The following SRD5A2 variants were observed in gnomAD, a reference collection of about 807,000 sequenced individuals.
The protein encoded by SRD5A2 is steroid 5 alpha-reductase 2, also known as 3-oxo-5-alpha-steroid 4-dehydrogenase 2.
SRD5A2 carries 30 observed loss-of-function variants against 27.4 expected under a neutral mutation model. That is an observed-to-expected ratio of 1.10 (90% confidence interval 0.82 to 1.49). The LOEUF (loss-of-function observed/expected upper bound fraction) is 1.49, where lower values mean the gene tolerates loss of function less well. SRD5A2 is among the 40% of genes most tolerant of loss of function. The pLI is 0.00. For missense variants in SRD5A2, 348 were observed against 323.4 expected (o/e 1.08, Z -0.58); for synonymous variants, 141 against 133.6 (o/e 1.06, Z -0.38).
In SRD5A2 at chr2:31,580,840, C is replaced by T. The variant is rs1265216982; in HGVS notation, c.61G>A (p.Gly21Arg). 6.2e-7 allele frequency: 1 copy of T among 1,611,940 alleles called. No individual in the cohort carries two copies. The highest frequency in any genetic ancestry group is 8.5e-7 in the Non-Finnish European group (1 of 1,179,388). Residue 21 changes from glycine (G) to arginine (R), a missense_variant, in exon 1 of 5, where the codon GGG becomes AGG. Gly to Arg is a moderately radical substitution (Grantham distance 125). Transcript: ENST00000622030. ...TTCGCGACGTACAAGGCCAGTGCCCCAAGGGCGACCAAAGTGGCGCTGCCT... is the reference window on the plus strand; with the variant it reads ...TTCGCGACGTACAAGGCCAGTGCCCTAAGGGCGACCAAAGTGGCGCTGCCT... Reference protein sequence around the residue: ...LAGSATLVALGALALYVAKPS... With the variant: ...LAGSATLVALRALALYVAKPS...
chr2:31,611,269 T>G, the SRD5A2 span, among the ~76,000 whole-genome samples: 1 of 152,140 alleles, frequency 6.6e-6, no homozygotes, highest in Admixed American at 6.6e-5. Context: ...AAATTATAGA[T>G]TCATGAGTAA....
At chr2:31,658,120 A>G in the SRD5A2 span, among the ~76,000 whole-genome samples, 2 of 152,154 alleles carry the variant, frequency 1.3e-5, no homozygotes, top group Admixed American at 1.3e-4. Flanking sequence ...ACAACCTGGT[A>G]CTGAATGACC....
chr2:31,660,948 G>A, the SRD5A2 span, among the ~76,000 whole-genome samples: 4 of 151,976 alleles, frequency 2.6e-5, no homozygotes, highest in Non-Finnish European at 4.4e-5. Flanking sequence ...CCAAAAGAAG[G>A]GTTCCATTAA....
the SRD5A2 span, among the ~76,000 whole-genome samples, chr2:31,601,341 A>G: frequency 6.6e-6 from 1 of 152,114 alleles, no homozygotes; most frequent in African/African-American, 2.4e-5. Context: ...AGTCATGGAC[A>G]CATACACCCT....
intron 1 of SRD5A2, among the ~76,000 whole-genome samples, chr2:31,575,971 G>A (rs776423229): frequency 6.6e-6 from 1 of 152,154 alleles, no homozygotes; most frequent in Non-Finnish European, 1.5e-5. Context: ...TTCCACAGCT[G>A]TAATCACAGT....
At chr2:31,568,413 C>G (rs1302825636) in intron 1 of SRD5A2, among the ~76,000 whole-genome samples, 1 of 152,204 alleles carries the variant, frequency 6.6e-6, no homozygotes, top group East Asian at 1.9e-4. Context: ...CAGTGAGTGA[C>G]AGAGAGGCTC....
At chr2:31,599,689 G>T in the SRD5A2 span, among the ~76,000 whole-genome samples, 2 of 151,838 alleles carry the variant, frequency 1.3e-5, no homozygotes, top group Non-Finnish European at 1.5e-5. Context: ...ATAGCTATAA[G>T]TGCCTACATC....
the SRD5A2 span, among the ~76,000 whole-genome samples, chr2:31,662,738 C>T: frequency 6.6e-6 from 1 of 152,154 alleles, no homozygotes; most frequent in Non-Finnish European, 1.5e-5. Flanking sequence ...CATCCAATCA[C>T]TCTCATTTGG....
At chr2:31,621,480 C>T in the SRD5A2 span, among the ~76,000 whole-genome samples, 491 of 152,064 alleles carry the variant, frequency 3.2e-3, 5 homozygotes, top group African/African-American at 0.011. Context: ...ATGAATATTG[C>T]GCAGTTTGTT....
the SRD5A2 span, among the ~76,000 whole-genome samples, chr2:31,598,670 A>G: frequency 1.3e-5 from 2 of 151,980 alleles, no homozygotes; most frequent in South Asian, 4.1e-4. Context: ...CTTACAATAG[A>G]TAAACAAAAA....
At chr2:31,578,409 T>C (rs1667004481) in intron 1 of SRD5A2, among the ~76,000 whole-genome samples, 1 of 152,170 alleles carries the variant, frequency 6.6e-6, no homozygotes, top group Non-Finnish European at 1.5e-5. Flanking sequence ...TTGTGTGACC[T>C]TGGGCAAGGA....
chr2:31,571,688 A>T (rs1666852382), intron 1 of SRD5A2, among the ~76,000 whole-genome samples: 1 of 152,308 alleles, frequency 6.6e-6, no homozygotes, highest in East Asian at 1.9e-4. Context: ...AAACCAAACA[A>T]TTCAATTAAA....
the SRD5A2 span, among the ~76,000 whole-genome samples, chr2:31,601,549 CT>C: frequency 1.3e-5 from 2 of 152,004 alleles, no homozygotes; most frequent in Non-Finnish European, 2.9e-5. Flanking sequence ...AGAGGGACTC[CT>C]CCCTAACCCA....
At chr2:31,567,456 G>GTGTGTATATATA (rs143408801) in intron 1 of SRD5A2, among the ~76,000 whole-genome samples, 44 of 140,304 alleles carry the variant, frequency 3.1e-4, no homozygotes, top group African/African-American at 1.1e-3. Context: ...GTGTGTGTGT[G>GTGTGTATATATA]TATATATATA....
the SRD5A2 span, among the ~76,000 whole-genome samples, chr2:31,619,664 G>T: frequency 6.6e-6 from 1 of 151,950 alleles, no homozygotes; most frequent in Non-Finnish European, 1.5e-5. Context: ...TCTCATTATG[G>T]TTTTGATTTA....
upstream of SRD5A2, among the ~76,000 whole-genome samples, chr2:31,581,357 C>T (rs970296332): frequency 7.2e-5 from 11 of 152,218 alleles, no homozygotes; most frequent in East Asian, 5.8e-4. Context: ...AAGGTCTTTC[C>T]ATCTCCTCCG....
At chr2:31,650,372 G>A in the SRD5A2 span, among the ~76,000 whole-genome samples, 8 of 152,178 alleles carry the variant, frequency 5.3e-5, no homozygotes, top group African/African-American at 1.9e-4. Context: ...CCTGGGATGG[G>A]TCACTAAAGT....
upstream of SRD5A2, among the ~76,000 whole-genome samples, chr2:31,585,246 A>G (rs989142460): frequency 6.6e-6 from 1 of 152,216 alleles, no homozygotes; most frequent in Non-Finnish European, 1.5e-5. Context: ...TGCAATTCTT[A>G]GACAAGTCCT....
the SRD5A2 span, among the ~76,000 whole-genome samples, chr2:31,598,627 T>G: frequency 6.6e-6 from 1 of 151,896 alleles, no homozygotes; most frequent in Non-Finnish European, 1.5e-5. Flanking sequence ...CTGGTAGTAT[T>G]TGCAAGCCTC....
Sources: allele counts gnomAD v4.1 joint callset (sites outside exome capture counted in the v4.1 genomes callset), GRCh38; gene constraint gnomAD v4.1.1; transcripts MANE v1.5; gene names NCBI Gene and HGNC (gene_info 2026-07-23, HGNC 2026-07-21).